Variants in LGMN observed in about 807,000 individuals in gnomAD.
LGMN encodes asparaginyl endopeptidase.
A neutral mutation model predicts 56.8 loss-of-function variants in LGMN; 36 were observed. The observed-to-expected ratio is 0.63, with a 90% CI of 0.49 to 0.84. LGMN has a LOEUF of 0.84. LGMN is among the 40% of genes least tolerant of loss of function. The pLI is 0.00. For missense variants in LGMN, 446 were observed against 556.1 expected (o/e 0.80, Z 1.99); for synonymous variants, 199 against 210.1 (o/e 0.95, Z 0.46).
chr14:92,706,174 G>A (rs1243426930), intron 12 of LGMN, among the ~76,000 whole-genome samples: 1 of 152,170 alleles, frequency 6.6e-6, no homozygotes, highest in Non-Finnish European at 1.5e-5. Flanking sequence ...CGTGTGAGGG[G>A]TAGAGACGAG....
intron 2 of LGMN, among the ~76,000 whole-genome samples, chr14:92,723,590 A>G (rs1479383067): frequency 6.6e-6 from 1 of 152,198 alleles, no homozygotes; most frequent in Non-Finnish European, 1.5e-5. Flanking sequence ...CAAAAACATG[A>G]CACTAGGGGA....
intron 1 of LGMN, among the ~76,000 whole-genome samples, chr14:92,742,125 A>G (rs945697547): frequency 2.0e-5 from 3 of 151,706 alleles, no homozygotes; most frequent in African/African-American, 7.3e-5. Context: ...ATGGCACCTT[A>G]GTATACTGAA....
At chr14:92,730,818 T>C (rs1891012295) in intron 2 of LGMN, among the ~76,000 whole-genome samples, 1 of 151,332 alleles carries the variant, frequency 6.6e-6, no homozygotes, top group African/African-American at 2.4e-5. Flanking sequence ...TAATATCAGC[T>C]ACTCGGGAGG....
At chr14:92,711,002 G>T (rs536064772) in intron 10 of LGMN, among the ~76,000 whole-genome samples, 1 of 152,224 alleles carries the variant, frequency 6.6e-6, no homozygotes, top group African/African-American at 2.4e-5. Flanking sequence ...TCTCCGCTGG[G>T]GGTGGGCTTC....
At chr14:92,723,325 G>A (rs1240121418) in intron 2 of LGMN, among the ~76,000 whole-genome samples, 2 of 152,124 alleles carry the variant, frequency 1.3e-5, no homozygotes, top group East Asian at 3.9e-4. Context: ...GATTACAGGT[G>A]TGAGCCACCA....
intron 2 of LGMN, among the ~76,000 whole-genome samples, chr14:92,726,970 T>A (rs1380170045): frequency 1.3e-5 from 2 of 152,218 alleles, no homozygotes; most frequent in East Asian, 3.8e-4. Flanking sequence ...CAAGAAAAGA[T>A]GTGCATCTGA....
intron 1 of LGMN, among the ~76,000 whole-genome samples, chr14:92,734,122 A>T (rs1449595072): frequency 6.6e-6 from 1 of 152,242 alleles, no homozygotes; most frequent in Non-Finnish European, 1.5e-5. Context: ...TTTGCATCAC[A>T]CTTACAGAGC....
At chr14:92,722,209 G>A (rs977753767) in intron 2 of LGMN, among the ~76,000 whole-genome samples, 1 of 151,918 alleles carries the variant, frequency 6.6e-6, no homozygotes, top group Non-Finnish European at 1.5e-5. Flanking sequence ...AGGTACACAG[G>A]TATTCATTTT....
intron 11 of LGMN, 58 bp downstream of exon 11, chr14:92,709,614 T>C (rs904440084): frequency 8.3e-6 from 12 of 1,441,110 alleles, no homozygotes; most frequent in East Asian, 6.8e-5. Flanking sequence ...TGCTCATGCA[T>C]GCTGCCCACC....
intron 2 of LGMN, among the ~76,000 whole-genome samples, chr14:92,719,357 ACACCAC>A (rs1179130962): frequency 0.014 from 639 of 45,682 alleles, 5 homozygotes; most frequent in African/African-American, 0.057. Context: ...ACCACCACCA[ACACCAC>A]CACCACCACC....
intron 10 of LGMN, 127 bp from the exon 11 acceptor site, chr14:92,709,999 C>G: frequency 1.5e-6 from 1 of 666,790 alleles, no homozygotes; most frequent in Non-Finnish European, 2.5e-6. Context: ...TACCCCAAGT[C>G]CAGCCTCTCC....
At chr14:92,719,299 GCCACCGCCGCCA>G (rs1485812277) in intron 2 of LGMN, among the ~76,000 whole-genome samples, 769 of 42,536 alleles carry the variant, frequency 0.018, 32 homozygotes, top group Middle Eastern at 0.027. Flanking sequence ...CGCCGCCGCC[GCCACCGCCGCCA>G]CCGCCGCCGC....
intron 10 of LGMN, among the ~76,000 whole-genome samples, chr14:92,710,206 TG>T (rs1275188508): frequency 6.6e-6 from 1 of 152,256 alleles, no homozygotes; most frequent in Non-Finnish European, 1.5e-5. Flanking sequence ...AAGCTCTGCC[TG>T]ACTGCATCAG....
At chr14:92,747,819 C>T (rs1891885653) in intron 1 of LGMN, among the ~76,000 whole-genome samples, 1 of 152,154 alleles carries the variant, frequency 6.6e-6, no homozygotes, top group Non-Finnish European at 1.5e-5. Flanking sequence ...ACAAAGCACG[C>T]GACACAAAGT....
At chr14:92,741,897 G>A (rs1029061180) in intron 1 of LGMN, 10 of 152,004 alleles carry the variant, frequency 6.6e-5, no homozygotes, top group African/African-American at 9.7e-5. Flanking sequence ...AAGGTTTTTC[G>A]GCTGACAATG....
At chr14:92,742,132 T>C (rs753849328) in intron 1 of LGMN, among the ~76,000 whole-genome samples, 8 of 151,234 alleles carry the variant, frequency 5.3e-5, no homozygotes, top group Non-Finnish European at 8.9e-5. Context: ...CTTAGTATAC[T>C]GAATATTTTA....
intron 1 of LGMN, among the ~76,000 whole-genome samples, chr14:92,733,148 CA>C (rs11343138): frequency 0.71 from 73,528 of 103,556 alleles, 24,051 homozygotes; most frequent in African/African-American, 0.84. Context: ...ACTCTGTCTC[CA>C]AAAAAAAAAA....
intron 2 of LGMN, among the ~76,000 whole-genome samples, chr14:92,721,750 G>C (rs1890490240): frequency 6.6e-6 from 1 of 152,128 alleles, no homozygotes; most frequent in Non-Finnish European, 1.5e-5. Context: ...ATAGTCAACA[G>C]CTGGAAAAAT....
In LGMN at chr14:92,734,245, C is replaced by T. The variant is rs371212758; in HGVS notation, c.-29-1430G>A. ...CTGCCTAATAGCCATGGACTGTCAG[C>T]GTTGGCCAGAGCTGGGACCATGCCT... On this transcript the variant is annotated intron_variant, in intron 1 of 13. Transcript: ENST00000334869. 5.9e-5 allele frequency among the ~76,000 whole-genome samples: 9 copies of T among 152,334 alleles called. No individual in the cohort carries two copies. In the South Asian group the frequency reaches 6.2e-4, roughly 11 times the overall value.
Sources: gnomAD v4.1 joint callset for allele counts (sites outside exome capture counted in the v4.1 genomes callset) on GRCh38, gnomAD v4.1.1 for gene constraint, MANE v1.5 for transcripts, NCBI Gene and HGNC (gene_info 2026-07-23, HGNC 2026-07-21) for gene names.